The following SLC25A30 variants were observed in gnomAD, a reference collection of about 807,000 sequenced individuals.
The protein encoded by SLC25A30 is solute carrier family 25 member 30, also known as kidney mitochondrial carrier protein 1.
Under a neutral mutation model 42.7 loss-of-function variants are expected in SLC25A30, and 29 were observed. The ratio of observed to expected loss-of-function variants is 0.68; its 90% CI spans 0.51 to 0.93. SLC25A30 has a LOEUF of 0.93. SLC25A30 is among the 40% of genes least tolerant of loss of function. The pLI is 0.00. For missense variants in SLC25A30, 300 were observed against 359.7 expected (o/e 0.83, Z 1.34); for synonymous variants, 124 against 131.0 (o/e 0.95, Z 0.37).
At chr13:45,417,427 T>C (rs1883630473) in intron 1 of SLC25A30, among the ~76,000 whole-genome samples, 1 of 152,252 alleles carries the variant, frequency 6.6e-6, no homozygotes, top group South Asian at 2.1e-4. Flanking sequence ...ACATTTATTG[T>C]TCCTTGCTGG....
chr13:45,427,259 A>C, the SLC25A30 span, among the ~76,000 whole-genome samples: 1 of 152,098 alleles, frequency 6.6e-6, no homozygotes, highest in Non-Finnish European at 1.5e-5. Flanking sequence ...GTCTCTCCCG[A>C]AGCATAGGAT....
chr13:45,428,240 T>C, the SLC25A30 span, among the ~76,000 whole-genome samples: 2 of 150,992 alleles, frequency 1.3e-5, no homozygotes, highest in Non-Finnish European at 3.0e-5. Context: ...TGAGACAGAG[T>C]CTCACTCTGT....
chr13:45,424,306 A>T, the SLC25A30 span, among the ~76,000 whole-genome samples: 306 of 7,160 alleles, frequency 0.043, 34 homozygotes, highest in African/African-American at 0.087. Context: ...TAAATATATA[A>T]AAATATATAT....
upstream of SLC25A30, among the ~76,000 whole-genome samples, chr13:45,419,130 T>TAAAAA (rs374462224): frequency 6.6e-5 from 6 of 90,508 alleles, no homozygotes; most frequent in African/African-American, 2.1e-4. Context: ...TACTCCCTCT[T>TAAAAA]AAAAAAAAAA....
At chr13:45,404,246 T>A in intron 5 of SLC25A30, 81 bp downstream of exon 5, 1 of 973,962 alleles carries the variant, frequency 1.0e-6, no homozygotes, top group Non-Finnish European at 1.7e-6. Context: ...AGATGTTACA[T>A]TCACAGATTC....
chr13:45,417,230 C>T (rs1014674993), intron 1 of SLC25A30, among the ~76,000 whole-genome samples: 2 of 152,130 alleles, frequency 1.3e-5, no homozygotes, highest in Non-Finnish European at 2.9e-5. Flanking sequence ...AGGCTGGTCT[C>T]GAACTCCTGA....
At chr13:45,431,157 C>T in the SLC25A30 span, among the ~76,000 whole-genome samples, 46 of 152,078 alleles carry the variant, frequency 3.0e-4, no homozygotes, top group African/African-American at 1.1e-3. Flanking sequence ...AAGCGATTCT[C>T]CTGCCTCAGC....
At chr13:45,401,458 G>A (rs1881973531) in intron 6 of SLC25A30, among the ~76,000 whole-genome samples, 1 of 152,134 alleles carries the variant, frequency 6.6e-6, no homozygotes, top group African/African-American at 2.4e-5. Flanking sequence ...TCACCTCTCA[G>A]AGCCTCCAGT....
In SLC25A30 at chr13:45,395,081, A is replaced by G. The variant is rs541357087; in HGVS notation, c.*893T>C. 1.0e-6 allele frequency: 1 copy of G among 985,518 alleles called. No homozygotes were observed. Among genetic ancestry groups the G allele is most frequent in the Admixed American group, 6.1e-5 (1 of 16,296 alleles). 61.0% of individuals were successfully genotyped at this position (985,518 alleles called of 1,614,324 possible). A position where few individuals can be genotyped will look rare whatever the true frequency, so the allele number is the denominator to read the frequency against. ...AGACTGTTTAGAGCTGTTCCACAGC[A>G]TGATGTAAACACATTTACCTTTCCA... On this transcript the variant is annotated 3_prime_UTR_variant, in exon 10 of 10. Coordinates refer to ENST00000519676, the MANE Select transcript of SLC25A30 (RefSeq NM_001010875.4).
At chr13:45,432,809 G>A in the SLC25A30 span, among the ~76,000 whole-genome samples, 3 of 151,222 alleles carry the variant, frequency 2.0e-5, no homozygotes, top group East Asian at 3.9e-4. Context: ...CAGGCAGATC[G>A]CTTGAGCTCA....
chr13:45,424,925 A>AAT, the SLC25A30 span, among the ~76,000 whole-genome samples: 6 of 66,054 alleles, frequency 9.1e-5, no homozygotes, highest in African/African-American at 4.4e-4. Context: ...AATATATATA[A>AAT]ATATATAAAT....
the SLC25A30 span, among the ~76,000 whole-genome samples, chr13:45,423,821 A>ATATATATATATAT: frequency 1.3e-5 from 1 of 79,188 alleles, no homozygotes; most frequent in Non-Finnish European, 2.1e-5. Flanking sequence ...TAAAAATATA[A>ATATATATATATAT]ATATATATTT....
rs556390852 is a variant in SLC25A30, at chr13:45,399,023, C to A, written c.670G>T (p.Val224Leu). Residue 224 changes from valine (V) to leucine (L), a missense_variant, in exon 8 of 10, where the codon GTG becomes TTG. Physicochemically the swap from Val to Leu is conservative, Grantham distance 32. Coordinates refer to ENST00000519676, the MANE Select transcript of SLC25A30 (RefSeq NM_001010875.4). The stretch of plus-strand genomic sequence containing the variant: ...CTCTGATTCATCATACGTGTCCTCA[C>A]AACATCAACAGGGTTTGAGGCCAGG... Reference protein sequence around the residue: ...GALASNPVDVVRTRMMNQRVL... With the variant: ...GALASNPVDVLRTRMMNQRVL... 1.9e-5 allele frequency: 31 copies of A among 1,613,530 alleles called. No homozygotes were observed. The African/African-American group carries it at 3.7e-4, about 19-fold the overall frequency.
chr13:45,424,676 G>C, the SLC25A30 span, among the ~76,000 whole-genome samples: 1 of 41,058 alleles, frequency 2.4e-5, no homozygotes, highest in Non-Finnish European at 4.1e-5. Context: ...AATATATATA[G>C]TTATATATAG....
intron 8 of SLC25A30, 71 bp from the exon 9 acceptor site, chr13:45,397,409 CAG>C: frequency 8.6e-7 from 1 of 1,159,280 alleles, no homozygotes; most frequent in Non-Finnish European, 1.3e-6. Flanking sequence ...AATTAGTGGC[CAG>C]GCCAGGCGCG....
intron 3 of SLC25A30, among the ~76,000 whole-genome samples, chr13:45,407,638 C>T (rs1438762040): frequency 6.6e-6 from 1 of 152,182 alleles, no homozygotes; most frequent in African/African-American, 2.4e-5. Flanking sequence ...AGACACATTT[C>T]CAATCTTCCA....
Position 45,409,070 on chromosome 13 carries a change from T to G in SLC25A30, c.69A>C (p.Thr23=). 1 of 1,594,798 alleles carries G rather than the reference T, an allele frequency of 6.3e-7. No homozygotes were observed. The highest frequency in any genetic ancestry group is 8.5e-7 in the Non-Finnish European group (1 of 1,173,178). ...GTGTCTTGGTTAAATCAATTGGAAA[T>G]GTACCTTAAAATTTAAAAAGAAATT... ...GLASITAECG[T]FPIDLTKTRL... is the part of the protein sequence containing the mutation. Residue 23 remains threonine, a synonymous_variant, in exon 3 of 10, where the codon ACA becomes ACC. Coordinates refer to ENST00000519676, the MANE Select transcript of SLC25A30 (RefSeq NM_001010875.4).
the SLC25A30 span, among the ~76,000 whole-genome samples, chr13:45,429,554 G>C: frequency 1.3e-5 from 2 of 152,072 alleles, no homozygotes; most frequent in African/African-American, 4.8e-5. Flanking sequence ...TGACAGCTGG[G>C]CACAGTGGCT....
chr13:45,423,759 A>T, the SLC25A30 span, among the ~76,000 whole-genome samples: 1 of 67,168 alleles, frequency 1.5e-5, no homozygotes, highest in African/African-American at 7.5e-5. Context: ...AATATATATA[A>T]ATATATAAAA....
Sources: allele counts gnomAD v4.1 joint callset (sites outside exome capture counted in the v4.1 genomes callset), GRCh38; gene constraint gnomAD v4.1.1; transcripts MANE v1.5; gene names NCBI Gene and HGNC (gene_info 2026-07-23, HGNC 2026-07-21).